The following NACC2 variants were observed in gnomAD, a reference collection of about 807,000 sequenced individuals.
NACC2 encodes the protein nucleus accumbens-associated protein 2.
NACC2 carries 8 observed loss-of-function variants against 25.1 expected under a neutral mutation model. That is an observed-to-expected ratio of 0.32 (90% CI 0.19 to 0.57). NACC2 has a LOEUF of 0.57. Among genes scored for constraint, NACC2 ranks in the 20% least tolerant of loss-of-function variants. NACC2 has a pLI of 0.89. For synonymous variants in NACC2, 435 were observed against 294.7 expected (o/e 1.48, Z -4.88); for missense variants, 644 against 650.2 (o/e 0.99, Z 0.10).
chr9:136,082,196 T>C (rs895987300), intron 1 of NACC2, among the ~76,000 whole-genome samples: 11 of 152,302 alleles, frequency 7.2e-5, no homozygotes, highest in Admixed American at 2.6e-4. Flanking sequence ...GGATGCCCCC[T>C]CTGCCCGTCT....
intron 1 of NACC2, among the ~76,000 whole-genome samples, chr9:136,068,017 T>C (rs948384861): frequency 2.6e-5 from 4 of 152,146 alleles, no homozygotes; most frequent in African/African-American, 7.2e-5. Context: ...AGTAAAAATA[T>C]AGGATAAAAG....
intron 1 of NACC2, among the ~76,000 whole-genome samples, chr9:136,082,803 C>G (rs980509144): frequency 1.3e-5 from 2 of 152,200 alleles, no homozygotes; most frequent in African/African-American, 4.8e-5. Context: ...ACAGACGCCC[C>G]GTTCTCTGGG....
At chr9:136,042,695 C>CAT (rs1840654199) in intron 2 of NACC2, among the ~76,000 whole-genome samples, 2 of 150,998 alleles carry the variant, frequency 1.3e-5, no homozygotes, top group African/African-American at 4.9e-5. Flanking sequence ...CACACACAGA[C>CAT]ACACACACAG....
chr9:136,019,937 C>T lies in NACC2; in HGVS notation c.887-3508G>A, dbSNP rs1410056049. ...CACATCCCGGGGCTCCACTCGCAGG[C>T]GGCCCCCAGAGTCGTCAGGTCCACA... On this transcript the variant is annotated intron_variant, in intron 2 of 5. Coordinates refer to ENST00000277554, the MANE Select transcript of NACC2 (RefSeq NM_144653.5). The surrounding 1 kb of genome is among the most constrained non-coding windows in gnomAD (Gnocchi z 5.2). 2.1e-5 allele frequency among the ~76,000 whole-genome samples: 3 copies of T among 143,384 alleles called. No homozygotes were observed. The highest frequency in any genetic ancestry group is 5.0e-5 in the African/African-American group (2 of 39,912). The allele number at this position is 143,384 out of a possible 152,430, so 94.1% of individuals were successfully genotyped here. A position where few individuals can be genotyped will look rare whatever the true frequency, so the allele number is the denominator to read the frequency against.
chr9:136,034,891 T>C (rs965162261), intron 2 of NACC2, among the ~76,000 whole-genome samples: 13 of 152,278 alleles, frequency 8.5e-5, no homozygotes, highest in South Asian at 6.2e-4. Flanking sequence ...GTCAGGAGTT[T>C]AGGATCAGCC....
In NACC2 at chr9:136,051,037, G is replaced by A. The variant is rs1027608154; in HGVS notation, c.-59-457C>T. 2.0e-5 allele frequency among the ~76,000 whole-genome samples: 3 copies of A among 152,354 alleles called. No homozygotes were observed. In the South Asian group the frequency reaches 6.2e-4, roughly 32 times the overall value. On this transcript the variant is annotated intron_variant, in intron 1 of 5. Transcript: ENST00000277554. Reference sequence around the variant, plus strand: ...GCCGCGCTGGAGCAGCGGGGAAGGAGGGAGGGAGGGGGGTCTCTGGAGCTG... The same window carrying A: ...GCCGCGCTGGAGCAGCGGGGAAGGAAGGAGGGAGGGGGGTCTCTGGAGCTG...
At chr9:136,068,566 G>T (rs1841114830) in intron 1 of NACC2, among the ~76,000 whole-genome samples, 2 of 149,674 alleles carry the variant, frequency 1.3e-5, no homozygotes, top group African/African-American at 5.0e-5. Flanking sequence ...CTAGGCAATA[G>T]AATTTTTCAG....
At chr9:136,032,813 C>G (rs1237965799) in intron 2 of NACC2, among the ~76,000 whole-genome samples, 2 of 151,970 alleles carry the variant, frequency 1.3e-5, no homozygotes, top group Non-Finnish European at 2.9e-5. Flanking sequence ...GGGTGGATCA[C>G]GAGACTAGCC....
intron 2 of NACC2, among the ~76,000 whole-genome samples, chr9:136,030,033 C>G (rs1358310274): frequency 6.6e-6 from 1 of 152,192 alleles, no homozygotes; most frequent in Non-Finnish European, 1.5e-5. Flanking sequence ...ACACACTGCA[C>G]CTGCTTAATT....
chr9:136,093,969 G>T (rs1289337475), intron 1 of NACC2, among the ~76,000 whole-genome samples: 1 of 152,238 alleles, frequency 6.6e-6, no homozygotes, highest in Non-Finnish European at 1.5e-5. Context: ...CAGACGAAAA[G>T]AGGGGTGGGT....
At position 136,050,030 on chromosome 9, in the gene NACC2, C is replaced by G. The variant is rs1292221654; in HGVS notation, c.492G>C (p.Ser164=). 1.4e-6 allele frequency: 1 copy of G among 704,258 alleles called. No homozygotes were observed. The highest frequency in any genetic ancestry group is 2.6e-6 in the Non-Finnish European group (1 of 386,906). The allele number at this position is 704,258 out of a possible 1,614,324, so 43.6% of individuals were successfully genotyped here. Residue 164 remains serine, a synonymous_variant, in exon 2 of 6, where the codon TCG becomes TCC. Transcript: ENST00000277554. ...CTCGGGTCAGCAGCGGGATGGGCACCGAGGGGGACACGACGTAGGGGGCCG... is the reference window on the plus strand; with the variant it reads ...CTCGGGTCAGCAGCGGGATGGGCACGGAGGGGGACACGACGTAGGGGGCCG... ...AAAAPYVVSP[S]VPIPLLTRVK... is the part of the protein sequence containing the mutation.
At chr9:136,088,019 G>C (rs1433621723) in intron 1 of NACC2, among the ~76,000 whole-genome samples, 1 of 151,018 alleles carries the variant, frequency 6.6e-6, no homozygotes, top group African/African-American at 2.4e-5. Context: ...ACTCTGCTGA[G>C]AAGTTCCAGA....
intron 1 of NACC2, among the ~76,000 whole-genome samples, chr9:136,075,056 G>A (rs1404658487): frequency 6.6e-6 from 1 of 152,140 alleles, no homozygotes; most frequent in Non-Finnish European, 1.5e-5. Context: ...ACCTCCTCCA[G>A]GCCGACGCTC....
chr9:136,037,107 G>A (rs1840565550), intron 2 of NACC2, among the ~76,000 whole-genome samples: 1 of 152,172 alleles, frequency 6.6e-6, no homozygotes, highest in African/African-American at 2.4e-5. Context: ...CGTCAACCTA[G>A]AATTCTATAT....
intron 3 of NACC2, 63 bp from the exon 4 acceptor site, chr9:136,014,032 C>A: frequency 2.3e-6 from 2 of 852,988 alleles, no homozygotes; most frequent in East Asian, 3.4e-5. Context: ...CGAAGAGGCG[C>A]ACAGATGGGT....
intron 2 of NACC2, among the ~76,000 whole-genome samples, chr9:136,039,941 A>G (rs925266304): frequency 7.9e-5 from 12 of 152,188 alleles, no homozygotes; most frequent in Non-Finnish European, 1.5e-4. Flanking sequence ...CTTTATTCAC[A>G]AACAGGATGA....
intron 1 of NACC2, among the ~76,000 whole-genome samples, chr9:136,081,481 T>A (rs1830324440): frequency 1.3e-5 from 2 of 152,228 alleles, no homozygotes; most frequent in Admixed American, 1.3e-4. Context: ...AGGAAGGCGG[T>A]GCCGGGCGTC....
In NACC2 at chr9:136,016,248, G is replaced by T. The variant is rs773903009; in HGVS notation, c.1051+17C>A. The stretch of plus-strand genomic sequence containing the variant: ...GAGGACATTTGCATACAATAGATGG[G>T]TGGGAGGCAGCCTCACCTGCCACCA... On this transcript the variant is annotated intron_variant, in intron 3 of 5. Coordinates refer to ENST00000277554, the MANE Select transcript of NACC2 (RefSeq NM_144653.5). 6.2e-7 allele frequency: 1 copy of T among 1,612,390 alleles called. No individual in the cohort carries two copies. Among genetic ancestry groups the T allele is most frequent in the South Asian group, 1.1e-5 (1 of 91,056 alleles).
At position 136,011,115 on chromosome 9, in the gene NACC2, C is replaced by T. The variant is rs983177822; in HGVS notation, c.*401G>A. ...GAAGGGTCAGTGACGCACAGCCCAG[C>T]CCCCTCGCCACAGACCACCGCCGGC... On this transcript the variant is annotated 3_prime_UTR_variant, in exon 6 of 6. Coordinates refer to ENST00000277554, the MANE Select transcript of NACC2 (RefSeq NM_144653.5). 2 of 159,314 alleles carry T rather than the reference C, an allele frequency of 1.3e-5. No homozygotes were observed. Among genetic ancestry groups the T allele is most frequent in the East Asian group, 1.8e-4 (1 of 5,462 alleles). 9.9% of individuals were successfully genotyped at this position (159,314 alleles called of 1,614,324 possible).
Sources: allele counts gnomAD v4.1 joint callset (sites outside exome capture counted in the v4.1 genomes callset), GRCh38; gene constraint gnomAD v4.1.1; non-coding constraint Gnocchi (gnomAD v3.1); transcripts MANE v1.5; gene names NCBI Gene and HGNC (gene_info 2026-07-23, HGNC 2026-07-21).